MAST4: variants seen among roughly 807,000 people sequenced by gnomAD.
MAST4 encodes the protein microtubule-associated serine/threonine-protein kinase 4.
In MAST4, 89 loss-of-function variants were observed where a neutral mutation model predicts 162.7. The ratio of observed to expected loss-of-function variants is 0.55; its 90% confidence interval spans 0.46 to 0.65. The LOEUF is 0.65. Ranked by LOEUF, MAST4 falls within the 30% of genes least tolerant of loss-of-function variation. The pLI, the probability that MAST4 is intolerant of heterozygous loss-of-function variation, is 0.00. For synonymous variants in MAST4, 1,479 were observed against 1,361.1 expected, an observed-to-expected ratio of 1.09 and a Z score of -1.91; for missense variants, 3,153 against 3,374.0, an observed-to-expected ratio of 0.93 and a Z score of 1.62.
rs1312227301 is a variant in MAST4 at position 66,752,986 on chromosome 5, G to A, written c.364-6723G>A. ...ACAGTGCAATCAAACTAGAACTCAGGATTAAGAATCTCACTCAAAACTGCT... is the reference window on the plus strand; with the variant it reads ...ACAGTGCAATCAAACTAGAACTCAGAATTAAGAATCTCACTCAAAACTGCT... On this transcript the variant is annotated intron_variant, in intron 1 of 28. Transcript: ENST00000403625. Among the ~76,000 whole-genome samples the A allele has an allele frequency of 2.0e-5, 3 of 151,182 alleles. No homozygotes were observed. In the East Asian group the frequency reaches 5.8e-4, roughly 29 times the overall value.
chr5:67,124,713 G>C (rs1253763202), intron 14 of MAST4, among the ~76,000 whole-genome samples: 2 of 152,116 alleles, frequency 1.3e-5, no homozygotes, highest in Non-Finnish European at 2.9e-5. Flanking sequence ...TTTTAAATTG[G>C]TTTAGGTCGG....
intron 3 of MAST4, among the ~76,000 whole-genome samples, chr5:66,869,931 T>G (rs1049794419): frequency 6.6e-6 from 1 of 152,172 alleles, no homozygotes; most frequent in African/African-American, 2.4e-5. Flanking sequence ...CTTCTTAAGT[T>G]TGTTCACTGT....
chr5:66,644,586 T>A (rs1163166659), intron 1 of MAST4, among the ~76,000 whole-genome samples: 2 of 152,154 alleles, frequency 1.3e-5, no homozygotes, highest in Non-Finnish European at 2.9e-5. Flanking sequence ...CTGGTATGGT[T>A]GGCCTCCAAA....
chr5:66,782,394 G>A (rs1754918700), intron 2 of MAST4, among the ~76,000 whole-genome samples: 2 of 151,886 alleles, frequency 1.3e-5, no homozygotes, highest in South Asian at 4.2e-4. Context: ...TTATTTTAAT[G>A]TACATATAAC....
chr5:67,014,468 A>G (rs1471093469), intron 4 of MAST4, among the ~76,000 whole-genome samples: 1 of 152,218 alleles, frequency 6.6e-6, no homozygotes, highest in African/African-American at 2.4e-5. Flanking sequence ...AAGCGTATGA[A>G]TCATAATTTC....
chr5:67,133,926 A>C (rs1769296527), intron 17 of MAST4, among the ~76,000 whole-genome samples: 1 of 152,168 alleles, frequency 6.6e-6, no homozygotes, highest in African/African-American at 2.4e-5. Context: ...CAAATGGAAT[A>C]CTGTTTTTGT....
chr5:66,670,666 C>A (rs1366609552), intron 1 of MAST4, among the ~76,000 whole-genome samples: 1 of 151,932 alleles, frequency 6.6e-6, no homozygotes, highest in Non-Finnish European at 1.5e-5. Context: ...CTATTTTGCA[C>A]TGACATCCCT....
rs1212331888 is a variant in MAST4 at position 66,657,165 on chromosome 5, T to C, written c.363+60147T>C. ...GATTGCTGATCAGCTGAATAAATCA[T>C]CTGTCTTTGCCTTCTTTTAATGACC... On this transcript the variant is annotated intron_variant, in intron 1 of 28. Transcript: ENST00000403625. Among the ~76,000 whole-genome samples the C allele has an allele frequency of 1.3e-5, 2 of 152,246 alleles. 1 individual carries two copies. The highest frequency in any genetic ancestry group is 1.3e-4 in the Admixed American group (2 of 15,290).
In MAST4 at chr5:66,916,957, C is replaced by A. The variant is rs368860542; in HGVS notation, c.674+16975C>A. 2.0e-3 allele frequency: 1,437 copies of A among 717,822 alleles called. 1 individual carries two copies. Among genetic ancestry groups the A allele is most frequent in the Non-Finnish European group, 2.8e-3 (1,064 of 384,660 alleles). The allele number at this position is 717,822 out of a possible 1,614,324, so 44.5% of individuals were successfully genotyped here. On this transcript the variant is annotated intron_variant, in intron 4 of 28. Transcript: ENST00000403625. ...AACAATTTTTTTACCTATATCCTTACGTACTGGTCCTTTTTTCTCCTATAG... is the reference window on the plus strand; with the variant it reads ...AACAATTTTTTTACCTATATCCTTAAGTACTGGTCCTTTTTTCTCCTATAG...
chr5:66,736,642 G>A (rs543346285), intron 1 of MAST4, among the ~76,000 whole-genome samples: 2 of 152,280 alleles, frequency 1.3e-5, no homozygotes, highest in East Asian at 1.9e-4. Context: ...AAGGATTAAC[G>A]TAGTTTTTCT....
chr5:66,861,173 T>G (rs1163770845), intron 3 of MAST4, among the ~76,000 whole-genome samples: 1 of 152,238 alleles, frequency 6.6e-6, no homozygotes, highest in Admixed American at 6.5e-5. Flanking sequence ...CCACAAAGTC[T>G]GGAGCTCATG....
intron 4 of MAST4, among the ~76,000 whole-genome samples, chr5:67,026,657 G>T (rs187767372): frequency 8.8e-6 from 1 of 113,092 alleles, no homozygotes; most frequent in East Asian, 2.0e-4. Context: ...CTCTTCTAGG[G>T]TTTCATACAG....
At chr5:67,078,911 A>AATAAATAAATATATATATTATATATAT (rs1227485756) in intron 5 of MAST4, among the ~76,000 whole-genome samples, 1 of 38,110 alleles carries the variant, frequency 2.6e-5, no homozygotes, top group African/African-American at 1.2e-4. Context: ...TTTTTATATA[A>AATAAATAAATATATATATTATATATAT]ATATATATAT....
chr5:66,697,187 G>C (rs1202999163), intron 1 of MAST4, among the ~76,000 whole-genome samples: 2 of 152,102 alleles, frequency 1.3e-5, no homozygotes, highest in Non-Finnish European at 2.9e-5. Flanking sequence ...TGAAAATTAG[G>C]GTTTTGGAAA....
intron 1 of MAST4, among the ~76,000 whole-genome samples, chr5:66,716,638 G>C (rs972806847): frequency 6.6e-6 from 1 of 151,976 alleles, no homozygotes; most frequent in African/African-American, 2.4e-5. Context: ...TGGGATTATA[G>C]GCATGAGCCA....
chr5:66,696,545 A>G (rs1359447873), intron 1 of MAST4, among the ~76,000 whole-genome samples: 2 of 152,098 alleles, frequency 1.3e-5, no homozygotes, highest in Non-Finnish European at 1.5e-5. Flanking sequence ...ATGATGGTCA[A>G]GTCAACATTC....
intron 26 of MAST4, among the ~76,000 whole-genome samples, chr5:67,157,658 C>T (rs1772695752): frequency 6.6e-6 from 1 of 152,274 alleles, no homozygotes. Flanking sequence ...ATTCCCTGCC[C>T]ACAGGGAGCG....
At chr5:67,038,229 C>T (rs1581289363) in intron 4 of MAST4, among the ~76,000 whole-genome samples, 2 of 122,080 alleles carry the variant, frequency 1.6e-5, no homozygotes, top group East Asian at 4.5e-4. Flanking sequence ...TTTATTTTTG[C>T]CTTTAGTTTC....
chr5:66,887,375 A>G (rs954667035), intron 3 of MAST4, among the ~76,000 whole-genome samples: 3 of 152,222 alleles, frequency 2.0e-5, no homozygotes, highest in African/African-American at 7.2e-5. Context: ...ATTTGGATAC[A>G]CTGTTCCAAA....
Sources: gnomAD v4.1 joint callset for allele counts (sites outside exome capture counted in the v4.1 genomes callset) on GRCh38, gnomAD v4.1.1 for gene constraint, MANE v1.5 for transcripts, NCBI Gene and HGNC (gene_info 2026-07-23, HGNC 2026-07-21) for gene names.